Variants in CCDC102B observed in about 807,000 individuals in gnomAD.
The protein encoded by CCDC102B is coiled-coil domain containing 102B, also known as coiled-coil domain-containing protein 102B.
Under a neutral mutation model 57.4 loss-of-function variants are expected in CCDC102B, and 75 were observed. The ratio of observed to expected loss-of-function variants is 1.31; its 90% CI spans 1.08 to 1.58. The LOEUF (loss-of-function observed/expected upper bound fraction) is 1.58, where lower values mean the gene tolerates loss of function less well. Ranked by LOEUF, CCDC102B falls within the 40% of genes most tolerant of loss-of-function variation. The probability of loss-of-function intolerance (pLI) is 0.00; values close to 1 mark genes in which losing one functional copy is unlikely to be tolerated. For synonymous variants in CCDC102B, 206 were observed against 201.9 expected, an observed-to-expected ratio of 1.02 and a Z score of -0.17; for missense variants, 636 against 582.6, an observed-to-expected ratio of 1.09 and a Z score of -0.94.
chr18:68,729,110 CATT>C (rs2032743458), intron 2 of CCDC102B, among the ~76,000 whole-genome samples: 1 of 151,998 alleles, frequency 6.6e-6, no homozygotes, highest in African/African-American at 2.4e-5. Context: ...TTTAAAAAAT[CATT>C]AATGTTAGTA....
At chr18:68,808,517 G>A (rs1404154071) in intron 1 of CCDC102B, among the ~76,000 whole-genome samples, 1 of 124,010 alleles carries the variant, frequency 8.1e-6, no homozygotes, top group Non-Finnish European at 1.6e-5. Context: ...TCGCTCTTTC[G>A]GCCAGGCCGG....
At chr18:68,768,044 T>C (rs1432262582) in intron 2 of CCDC102B, among the ~76,000 whole-genome samples, 1 of 152,194 alleles carries the variant, frequency 6.6e-6, no homozygotes, top group Non-Finnish European at 1.5e-5. Context: ...CAATCATCAA[T>C]ATGCAATTTA....
Position 68,770,605 on chromosome 18 carries a change from G to T in CCDC102B, c.-66-52761G>T, listed in dbSNP as rs183767742. Among the ~76,000 whole-genome samples, 51 of 152,266 alleles carry T rather than the reference G, an allele frequency of 3.3e-4. 1 individual carries two copies. Among genetic ancestry groups the T allele is most frequent in the Admixed American group, 2.6e-3 (40 of 15,306 alleles). ...TCAACCTATGGTGAAAAATTAACTA[G>T]ATCATATTCTGCTCAGTAAAACCTG... On this transcript the variant is annotated intron_variant, in intron 2 of 3. Coordinates refer to the CCDC102B transcript ENST00000578970.
intron 6 of CCDC102B, among the ~76,000 whole-genome samples, chr18:68,926,921 G>T (rs994450981): frequency 2.0e-5 from 3 of 151,894 alleles, no homozygotes; most frequent in Non-Finnish European, 2.9e-5. Flanking sequence ...GGAAAATCAG[G>T]TATACGTTAA....
chr18:68,797,652 T>A (rs1034740191), upstream of CCDC102B, among the ~76,000 whole-genome samples: 4 of 152,084 alleles, frequency 2.6e-5, no homozygotes, highest in African/African-American at 9.7e-5. Context: ...TTCTTTTGCT[T>A]TTGTGCAATC....
At chr18:68,831,007 A>G (rs547310120) in intron 1 of CCDC102B, among the ~76,000 whole-genome samples, 1 of 152,114 alleles carries the variant, frequency 6.6e-6, no homozygotes, top group South Asian at 2.1e-4. Flanking sequence ...TTCTTTATTC[A>G]TATTATAAAG....
At chr18:68,750,630 T>C (rs1260482800) in intron 2 of CCDC102B, among the ~76,000 whole-genome samples, 6 of 151,886 alleles carry the variant, frequency 4.0e-5, no homozygotes, top group African/African-American at 1.5e-4. Flanking sequence ...TAAAAAACAA[T>C]GAGTTCATAT....
At chr18:68,792,027 A>T (rs745355626) in intron 2 of CCDC102B, among the ~76,000 whole-genome samples, 1 of 152,206 alleles carries the variant, frequency 6.6e-6, no homozygotes, top group Non-Finnish European at 1.5e-5. Flanking sequence ...ATAACAAAGC[A>T]TTATCTGGTC....
At chr18:68,906,073 C>T (rs542685949) in intron 6 of CCDC102B, among the ~76,000 whole-genome samples, 3 of 151,974 alleles carry the variant, frequency 2.0e-5, no homozygotes, top group South Asian at 4.2e-4. Context: ...GATTACAGGC[C>T]TGAGCTACCA....
intron 1 of CCDC102B, among the ~76,000 whole-genome samples, chr18:68,811,929 A>C (rs974549244): frequency 1.4e-4 from 22 of 152,336 alleles, no homozygotes; most frequent in African/African-American, 5.3e-4. Flanking sequence ...GTTCACTTAA[A>C]GGGGAAAATA....
In CCDC102B at chr18:69,049,816, A is replaced by AT. The variant is rs60818982; in HGVS notation, c.1435-4203dup. On this transcript the variant is annotated intron_variant, in intron 7 of 7. Transcript: ENST00000360242. The stretch of plus-strand genomic sequence containing the variant: ...GGTCCATTGCTTAACTTTTCATTGC[A>AT]TTTTTTTTTTTGAGACGGAGTCTCA... 5.5e-3 allele frequency among the ~76,000 whole-genome samples: 807 copies of AT among 147,378 alleles called. 6 individuals are homozygous for AT. The highest frequency in any genetic ancestry group is 0.026 in the South Asian group (119 of 4,658).
chr18:68,987,763 GCAAA>G (rs1332289715), intron 6 of CCDC102B, among the ~76,000 whole-genome samples: 1 of 151,502 alleles, frequency 6.6e-6, no homozygotes, highest in Non-Finnish European at 1.5e-5. Flanking sequence ...TGAAAAGAAA[GCAAA>G]CAAATGGCCA....
intron 6 of CCDC102B, among the ~76,000 whole-genome samples, chr18:68,901,877 GATA>G (rs2040466194): frequency 1.3e-5 from 2 of 152,228 alleles, no homozygotes; most frequent in African/African-American, 4.8e-5. Context: ...TAGCCTCTCA[GATA>G]ATATTTTTGG....
chr18:68,911,741 G>A (rs1274099707), intron 6 of CCDC102B, among the ~76,000 whole-genome samples: 11 of 43,392 alleles, frequency 2.5e-4, no homozygotes, highest in African/African-American at 6.9e-4. Flanking sequence ...GACAGAGCGA[G>A]ACTCCGTCTC....
intron 5 of CCDC102B, among the ~76,000 whole-genome samples, chr18:68,882,675 A>G (rs1345731339): frequency 3.9e-5 from 6 of 152,228 alleles, no homozygotes; most frequent in Admixed American, 2.6e-4. Flanking sequence ...TTATCTTTAC[A>G]AACAACAATA....
At chr18:68,943,546 T>C (rs1197063014) in intron 6 of CCDC102B, among the ~76,000 whole-genome samples, 1 of 152,122 alleles carries the variant, frequency 6.6e-6, no homozygotes, top group Non-Finnish European at 1.5e-5. Flanking sequence ...GTTAATTCAC[T>C]CAAAAATTTG....
intron 4 of CCDC102B, chr18:68,866,992 T>C: frequency 2.8e-6 from 1 of 361,326 alleles, no homozygotes. Context: ...TCTTGGTTCT[T>C]ACTGTGTTGT....
chr18:68,754,294 A>G (rs2033967770), intron 2 of CCDC102B: 1 of 152,210 alleles, frequency 6.6e-6, no homozygotes, highest in Non-Finnish European at 1.5e-5. Flanking sequence ...CTGCATGTTC[A>G]CTGGAAATCA....
chr18:68,771,665 CAT>C (rs779334832), intron 2 of CCDC102B, among the ~76,000 whole-genome samples: 11 of 152,152 alleles, frequency 7.2e-5, no homozygotes, highest in Non-Finnish European at 1.5e-4. Context: ...ATTGTGCAGA[CAT>C]GTGGCTGTGG....
Sources: gnomAD v4.1 joint callset for allele counts (sites outside exome capture counted in the v4.1 genomes callset) on GRCh38, gnomAD v4.1.1 for gene constraint, MANE v1.5 for transcripts, NCBI Gene and HGNC (gene_info 2026-07-23, HGNC 2026-07-21) for gene names.